The following PLEKHG4 variants were observed in gnomAD, a reference collection of about 807,000 sequenced individuals.
PLEKHG4 encodes pleckstrin homology and RhoGEF domain containing G4, also known as puratrophin-1.
Under a neutral mutation model 136.9 loss-of-function variants are expected in PLEKHG4, and 85 were observed. The observed-to-expected ratio is 0.62, with a 90% CI of 0.52 to 0.74. The LOEUF (loss-of-function observed/expected upper bound fraction) is 0.74. PLEKHG4 is among the 30% of genes least tolerant of loss of function. The pLI, the probability that PLEKHG4 is intolerant of heterozygous loss-of-function variation, is 0.00. For synonymous variants in PLEKHG4, 577 were observed against 646.9 expected, an observed-to-expected ratio of 0.89 and a Z score of 1.64; for missense variants, 1,317 against 1,527.8, an observed-to-expected ratio of 0.86 and a Z score of 2.30.
chr16:67,288,456 C>T lies in PLEKHG4; in HGVS notation c.3455-33C>T, dbSNP rs2305870. ...GCATGGCTTGGGGTCTGGGGCTTCC[C>T]GTGCTGACAGTTCACCCAGTCTCCC... On this transcript the variant is annotated intron_variant, in intron 20 of 21. Coordinates refer to ENST00000379344, the MANE Select transcript of PLEKHG4 (RefSeq NM_001129729.3). 3.8e-5 allele frequency: 62 copies of T among 1,613,798 alleles called. No homozygotes were observed. In the East Asian group the frequency reaches 5.8e-4, roughly 15 times the overall value.
Position 67,286,527 on chromosome 16 carries a change from T to C in PLEKHG4, c.2615T>C (p.Leu872Pro), listed in dbSNP as rs1381034064. The change falls in exon 16 of 22, where the codon CTG becomes CCG. Residue 872 changes from leucine (L) to proline (P), a missense_variant. Coordinates refer to ENST00000379344, the MANE Select transcript of PLEKHG4 (RefSeq NM_001129729.3). ...ATCCAGCGCATGGGCAAGTACGCAC[T>C]GCTGCTGCAGGAGCTGGCACGGGCC... The part of the protein sequence containing the change: ...KPIQRMGKYA[L>P]LLQELARACG... 1 of 1,584,422 alleles carries C rather than the reference T, an allele frequency of 6.3e-7. No homozygotes were observed. Among genetic ancestry groups the C allele is most frequent in the Non-Finnish European group, 8.6e-7 (1 of 1,163,898 alleles).
chr16:67,278,353 G>C (rs2036063763), upstream of PLEKHG4: 1 of 152,240 alleles, frequency 6.6e-6, no homozygotes, highest in Non-Finnish European at 1.5e-5. Flanking sequence ...CACTGTGCCT[G>C]TTGTAATCCC....
Position 67,288,842 on chromosome 16 carries a change from C to T in PLEKHG4, c.*34C>T. On this transcript the variant is annotated 3_prime_UTR_variant, in exon 22 of 22. Transcript: ENST00000379344. ...CTGGACGAGCAGTAGATCCAGCAGC[C>T]TGCAGCTCCAAGGAACATTGCCTCT... 3 of 1,612,036 alleles carry T rather than the reference C, an allele frequency of 1.9e-6. No individual in the cohort carries two copies. The highest frequency in any genetic ancestry group is 2.5e-6 in the Non-Finnish European group (3 of 1,178,998).
chr16:67,281,045 T>C, intron 4 of PLEKHG4, 40 bp downstream of exon 4: 1 of 1,613,976 alleles, frequency 6.2e-7, no homozygotes, highest in Non-Finnish European at 8.5e-7. Context: ...CTGAGCCAGC[T>C]GTGAGGACTG....
chr16:67,278,303 G>GGGGCT (rs1460738211), upstream of PLEKHG4: 4 of 152,610 alleles, frequency 2.6e-5, no homozygotes, highest in East Asian at 1.9e-4. Context: ...CTGGACTCTG[G>GGGGCT]GGGCTGGGCT....
At chr16:67,281,926 A>G in intron 7 of PLEKHG4, 83 bp from the exon 8 acceptor site, 1 of 1,548,000 alleles carries the variant, frequency 6.5e-7, no homozygotes, top group Non-Finnish European at 8.9e-7. Flanking sequence ...GAACCAGACA[A>G]AGCTGGCTGC....
chr16:67,285,295 A>C lies in PLEKHG4; in HGVS notation c.2201A>C (p.Gln734Pro). The stretch of plus-strand genomic sequence containing the variant: ...TGACTCCCCATACCTGGTAGGCTAC[A>C]GCTGGTGCTGGCAGAGATGGTGGCC... ...SSDPRSLNRLQLVLAEMVATE... is the reference protein window; with the variant it reads ...SSDPRSLNRLPLVLAEMVATE... Residue 734 changes from glutamine to proline, a missense_variant, in exon 14 of 22, where the codon CAG becomes CCG. Coordinates refer to ENST00000379344, the MANE Select transcript of PLEKHG4 (RefSeq NM_001129729.3). 6.2e-7 allele frequency: 1 copy of C among 1,614,118 alleles called. No individual in the cohort carries two copies. Among genetic ancestry groups the C allele is most frequent in the African/African-American group, 1.3e-5 (1 of 75,068 alleles).
chr16:67,287,337 T>C (rs1300093461), intron 18 of PLEKHG4, among the ~76,000 whole-genome samples, 160 bp downstream of exon 18: 1 of 152,274 alleles, frequency 6.6e-6, no homozygotes, highest in Non-Finnish European at 1.5e-5. Context: ...GCAGCCTTGC[T>C]GTCACTGCCT....
chr16:67,283,965 TAG>T (rs1567436513), intron 11 of PLEKHG4, among the ~76,000 whole-genome samples: 1 of 151,024 alleles, frequency 6.6e-6, no homozygotes, highest in Non-Finnish European at 1.5e-5. Context: ...GGGAGCCCAG[TAG>T]AGAGTGGGCT....
upstream of PLEKHG4, chr16:67,277,715 C>G (rs78132437): frequency 0.059 from 9,010 of 152,452 alleles, 392 homozygotes; most frequent in Non-Finnish European, 0.086. Context: ...GATGTGGAGC[C>G]TCAGGAGGGC....
chr16:67,288,126 A>G (rs749150504), intron 19 of PLEKHG4, 41 bp from the exon 20 acceptor site: 2 of 1,574,666 alleles, frequency 1.3e-6, no homozygotes, highest in Non-Finnish European at 1.7e-6. Flanking sequence ...GGGCCAGGCT[A>G]GGCTCTGGCC....
In PLEKHG4 at chr16:67,280,229, A is replaced by T. The variant is rs748490002; in HGVS notation, c.185A>T (p.Gln62Leu). The T allele has an allele frequency of 1.2e-6, 2 of 1,613,626 alleles. No homozygotes were observed. The highest frequency in any genetic ancestry group is 1.7e-6 in the Non-Finnish European group (2 of 1,179,714). Residue 62 changes from glutamine to leucine, a missense_variant, in exon 2 of 22, where the codon CAG (glutamine) becomes CTG (leucine). Gln to Leu is a moderately radical substitution (Grantham distance 113, BLOSUM62 -2). Transcript: ENST00000379344. The surrounding 1 kb of genome is among the most constrained non-coding windows in gnomAD (Gnocchi z 4.4). ...PAGATQDEEL[Q>L]GSPLSRKFQL... ...GGGGCCACCCAGGATGAGGAGCTAC[A>T]GGGCAGCCCCTTGTCCAGGAAATTC...
chr16:67,282,872 C>T lies in PLEKHG4; in HGVS notation c.1509+14C>T. On this transcript the variant is annotated intron_variant, in intron 11 of 21. Transcript: ENST00000379344. The stretch of plus-strand genomic sequence containing the variant: ...CAGGTTGCCCAGGTATATGTGGTCA[C>T]TTGTTCATGCCACGGGTATTGGGAT... The T allele has an allele frequency of 6.4e-7, 1 of 1,561,836 alleles. No individual in the cohort carries two copies. Among genetic ancestry groups the T allele is most frequent in the Non-Finnish European group, 8.8e-7 (1 of 1,133,178 alleles).
At chr16:67,278,464 A>G (rs916293518), upstream of PLEKHG4, 10 of 152,174 alleles carry the variant, frequency 6.6e-5, no homozygotes, top group Admixed American at 6.5e-4. Flanking sequence ...TGTGGGGCTC[A>G]GGGTCTTCTC....
In PLEKHG4 at chr16:67,284,233, C is replaced by G. The variant is rs765585914; in HGVS notation, c.1510-42C>G. ...AAGTATCTGAGTCTGGGGGCTAGAC[C>G]GCCAGGCCTGGGCTGGCTGAGCCTA... On this transcript the variant is annotated intron_variant, in intron 11 of 21. Coordinates refer to ENST00000379344, the MANE Select transcript of PLEKHG4 (RefSeq NM_001129729.3). The surrounding 1 kb of genome is among the most constrained non-coding windows in gnomAD (Gnocchi z 4.4). 2 of 1,584,224 alleles carry G rather than the reference C, an allele frequency of 1.3e-6. No individual in the cohort carries two copies. The highest frequency in any genetic ancestry group is 2.2e-5 in the South Asian group (2 of 89,322).
At position 67,279,993 on chromosome 16, in the gene PLEKHG4, G is replaced by T; in HGVS notation, c.-52G>T. 6.3e-7 allele frequency: 1 copy of T among 1,589,936 alleles called. No individual in the cohort carries two copies. The highest frequency in any genetic ancestry group is 1.1e-5 in the South Asian group (1 of 88,726). Reference sequence around the variant, plus strand: ...CTGTCTTCAGCGCGGTTCACACTGAGACCCAGCCCTCTCCCGCTGGCCCCG... The same window carrying T: ...CTGTCTTCAGCGCGGTTCACACTGATACCCAGCCCTCTCCCGCTGGCCCCG... On this transcript the variant is annotated 5_prime_UTR_variant, in exon 2 of 22. Transcript: ENST00000379344.
Position 67,281,220 on chromosome 16 carries a change from C to CTTT in PLEKHG4, c.813+38_813+40dup, listed in dbSNP as rs57651895. On this transcript the variant is annotated intron_variant, in intron 5 of 21. Transcript: ENST00000379344. ...GATTGTAGCTCCCCTCATTCCTTTT[C>CTTT]TTTTCTTTTTTTTTTTTTTTGAGAC... The CTTT allele has an allele frequency of 2.7e-4, 311 of 1,163,956 alleles. 5 individuals carry two copies. The highest frequency in any genetic ancestry group is 4.9e-4 in the African/African-American group (31 of 62,904). 72.1% of individuals were successfully genotyped at this position (1,163,956 alleles called of 1,614,324 possible). A position where few individuals can be genotyped will look rare whatever the true frequency, so the allele number is the denominator to read the frequency against.
rs1391378349 is a variant in PLEKHG4, at chr16:67,289,353, T to C, written c.*545T>C. 2.6e-5 allele frequency: 13 copies of C among 499,790 alleles called. 1 individual carries two copies. Among genetic ancestry groups the C allele is most frequent in the Non-Finnish European group, 3.9e-5 (11 of 284,380 alleles). The allele number at this position is 499,790 out of a possible 1,614,324, so 31.0% of individuals were successfully genotyped here. On this transcript the variant is annotated 3_prime_UTR_variant, in exon 22 of 22. Transcript: ENST00000379344. ...TTTGACTTGATGCCTTTTGAATAAC[T>C]TTCAATAGAATTGTCTAAAATTATC...
In PLEKHG4 at chr16:67,289,385, G is replaced by A. The variant is rs1597389999; in HGVS notation, c.*577G>A. 1 of 512,888 alleles carries A rather than the reference G, an allele frequency of 1.9e-6. No homozygotes were observed. The highest frequency in any genetic ancestry group is 3.1e-5 in the East Asian group (1 of 32,384). The allele number at this position is 512,888 out of a possible 1,614,324, so 31.8% of individuals were successfully genotyped here. ...AGAATTGTCTAAAATTATCTTACTG[G>A]TTGTTAGGCCTTTGGTGTCTCAGAG... On this transcript the variant is annotated 3_prime_UTR_variant, in exon 22 of 22. Coordinates refer to ENST00000379344, the MANE Select transcript of PLEKHG4 (RefSeq NM_001129729.3).
Sources: gnomAD v4.1 joint callset for allele counts (sites outside exome capture counted in the v4.1 genomes callset) on GRCh38, gnomAD v4.1.1 for gene constraint, Gnocchi (gnomAD v3.1) non-coding constraint, MANE v1.5 for transcripts, NCBI Gene and HGNC (gene_info 2026-07-23, HGNC 2026-07-21) for gene names.